DCC: variants seen among roughly 807,000 people sequenced by gnomAD.
DCC encodes netrin receptor DCC.
DCC carries 58 observed loss-of-function variants against 172.5 expected under a neutral mutation model. That is an observed-to-expected ratio of 0.34 (90% CI 0.27 to 0.42). The LOEUF (loss-of-function observed/expected upper bound fraction) is 0.42, where lower values mean the gene tolerates loss of function less well. Ranked by LOEUF, DCC falls within the 10% of genes least tolerant of loss-of-function variation. The probability of loss-of-function intolerance (pLI) is 1.00; values close to 1 mark genes in which losing one functional copy is unlikely to be tolerated. For synonymous variants in DCC, 709 were observed against 644.5 expected, an observed-to-expected ratio of 1.10 and a Z score of -1.52; for missense variants, 1,740 against 1,791.0, an observed-to-expected ratio of 0.97 and a Z score of 0.51.
intron 9 of DCC, among the ~76,000 whole-genome samples, chr18:53,197,343 G>A (rs1408756473): frequency 6.6e-6 from 1 of 151,540 alleles, no homozygotes; most frequent in African/African-American, 2.4e-5. Context: ...CTGAATTCAG[G>A]CTATGTGAAT....
intron 5 of DCC, among the ~76,000 whole-genome samples, chr18:53,004,967 C>T (rs911215260): frequency 1.3e-5 from 2 of 152,152 alleles, no homozygotes; most frequent in Non-Finnish European, 2.9e-5. Flanking sequence ...TCTGCCCTAA[C>T]GAATGAATAA....
chr18:52,803,923 G>GCACC (rs1397494872), intron 2 of DCC, among the ~76,000 whole-genome samples: 41 of 152,290 alleles, frequency 2.7e-4, no homozygotes, highest in African/African-American at 9.6e-4. Context: ...TTTTACATAT[G>GCACC]TGATGACGTT....
rs11311518 is a variant in DCC, at chr18:52,906,855, G to GT, written c.697+536dup. ...TCTACTTTGTTTATTTTACAGGGCT[G>GT]TTTTTTTTTACCAATAAATAAGCAT... On this transcript the variant is annotated intron_variant, in intron 3 of 28. Transcript: ENST00000442544. Among the ~76,000 whole-genome samples the GT allele has an allele frequency of 9.6e-4, 146 of 151,412 alleles. 1 individual carries two copies. Among genetic ancestry groups the GT allele is most frequent in the East Asian group, 6.2e-3 (32 of 5,124 alleles).
chr18:52,361,898 A>G (rs534045287), intron 1 of DCC, among the ~76,000 whole-genome samples: 1 of 152,280 alleles, frequency 6.6e-6, no homozygotes, highest in South Asian at 2.1e-4. Flanking sequence ...TTTCCTCCAA[A>G]GGGTTGAGTG....
At chr18:52,524,111 T>C (rs906341479) in intron 1 of DCC, among the ~76,000 whole-genome samples, 1 of 152,224 alleles carries the variant, frequency 6.6e-6, no homozygotes, top group Non-Finnish European at 1.5e-5. Flanking sequence ...GTCACAATAC[T>C]TAAAGATAAA....
At chr18:53,397,937 C>T (rs1220648941) in intron 18 of DCC, among the ~76,000 whole-genome samples, 3 of 151,834 alleles carry the variant, frequency 2.0e-5, no homozygotes, top group African/African-American at 7.2e-5. Flanking sequence ...TTGTTCACTC[C>T]TGGGAAATGG....
intron 7 of DCC, among the ~76,000 whole-genome samples, chr18:53,141,820 A>G (rs2043834811): frequency 6.6e-6 from 1 of 152,186 alleles, no homozygotes; most frequent in East Asian, 1.9e-4. Flanking sequence ...TTTGAATTGT[A>G]TTGTCCTGGT....
chr18:52,810,856 G>A (rs377385354), intron 2 of DCC, among the ~76,000 whole-genome samples: 3 of 152,266 alleles, frequency 2.0e-5, no homozygotes, highest in African/African-American at 7.2e-5. Flanking sequence ...TCTTCAGCTC[G>A]GAGGTAGGGT....
chr18:53,486,012 T>A (rs1024544236), intron 25 of DCC, among the ~76,000 whole-genome samples: 2 of 152,000 alleles, frequency 1.3e-5, no homozygotes, highest in Non-Finnish European at 2.9e-5. Context: ...TTTGGCATAA[T>A]AAAAGATAGG....
intron 1 of DCC, among the ~76,000 whole-genome samples, chr18:52,749,222 A>G (rs2145127816): frequency 6.6e-6 from 1 of 152,284 alleles, no homozygotes; most frequent in Non-Finnish European, 1.5e-5. Flanking sequence ...AGAATTATTC[A>G]GAAAGAACCA....
chr18:53,268,628 C>T (rs541207978), intron 12 of DCC, among the ~76,000 whole-genome samples: 2 of 152,040 alleles, frequency 1.3e-5, no homozygotes, highest in East Asian at 1.9e-4. Flanking sequence ...AAAAAAATGG[C>T]GAGATTCATA....
intron 26 of DCC, among the ~76,000 whole-genome samples, chr18:53,498,992 C>T (rs1275807787): frequency 2.0e-5 from 3 of 152,080 alleles, no homozygotes; most frequent in Non-Finnish European, 4.4e-5. Context: ...TTTTTTCTCG[C>T]TTCATCACTT....
chr18:53,246,074 T>C (rs1419051857), intron 12 of DCC, among the ~76,000 whole-genome samples: 1 of 152,050 alleles, frequency 6.6e-6, no homozygotes, highest in Non-Finnish European at 1.5e-5. Flanking sequence ...CCCTGAGACT[T>C]GCAATCATCA....
At chr18:52,722,928 A>C (rs1320405677) in intron 1 of DCC, among the ~76,000 whole-genome samples, 4 of 151,862 alleles carry the variant, frequency 2.6e-5, no homozygotes, top group African/African-American at 4.8e-5. Context: ...TTTATGTGTT[A>C]GAAAATGTTT....
intron 1 of DCC, among the ~76,000 whole-genome samples, chr18:52,751,405 G>A (rs568755733): frequency 6.6e-6 from 1 of 152,214 alleles, no homozygotes; most frequent in East Asian, 1.9e-4. Context: ...AAATTCAACT[G>A]TAATATTTAT....
chr18:53,054,488 T>C (rs1265163003), intron 5 of DCC, among the ~76,000 whole-genome samples: 1 of 152,074 alleles, frequency 6.6e-6, no homozygotes, highest in Non-Finnish European at 1.5e-5. Context: ...GTAGCAATAA[T>C]GTCAGTAAGT....
chr18:53,307,931 A>ATATATATATATG (rs2057222049), intron 13 of DCC, among the ~76,000 whole-genome samples: 3 of 120,868 alleles, frequency 2.5e-5, no homozygotes, highest in South Asian at 2.6e-4. Context: ...ATATATATAT[A>ATATATATATATG]TATATATATA....
At chr18:53,263,945 T>C (rs1168726057) in intron 12 of DCC, among the ~76,000 whole-genome samples, 3 of 152,160 alleles carry the variant, frequency 2.0e-5, no homozygotes, top group Non-Finnish European at 4.4e-5. Context: ...TGTTTTAAAA[T>C]TCCTATAAGG....
chr18:53,443,025 G>A (rs1912368605), intron 22 of DCC, among the ~76,000 whole-genome samples: 1 of 152,168 alleles, frequency 6.6e-6, no homozygotes, highest in Non-Finnish European at 1.5e-5. Context: ...AGTGCAAAGT[G>A]CAACAGCAAG....
Sources: gnomAD v4.1 joint callset for allele counts (sites outside exome capture counted in the v4.1 genomes callset) on GRCh38, gnomAD v4.1.1 for gene constraint, MANE v1.5 for transcripts, NCBI Gene and HGNC (gene_info 2026-07-23, HGNC 2026-07-21) for gene names.